The following CNTLN variants were observed in gnomAD, a reference collection of about 807,000 sequenced individuals.
CNTLN encodes the protein centlein, centrosomal protein.
CNTLN carries 212 observed loss-of-function variants against 180.0 expected under a neutral mutation model. The observed-to-expected ratio is 1.18, with a 90% confidence interval of 1.05 to 1.32. The LOEUF is 1.32. Ranked by LOEUF, CNTLN falls within the 40% of genes most tolerant of loss-of-function variation. The pLI, the probability that CNTLN is intolerant of heterozygous loss-of-function variation, is 0.00. For missense variants in CNTLN, 2,095 were observed against 1,610.9 expected, an observed-to-expected ratio of 1.30 and a Z score of -5.14; for synonymous variants, 722 against 563.1, an observed-to-expected ratio of 1.28 and a Z score of -3.99.
chr9:17,368,004 C>G (rs114492780), intron 13 of CNTLN, among the ~76,000 whole-genome samples: 2,624 of 152,222 alleles, frequency 0.017, 91 homozygotes, highest in African/African-American at 0.06. Context: ...ACCTTAGGTA[C>G]CAGCTCATCC....
chr9:17,395,920 G>A (rs1205718495), intron 15 of CNTLN, among the ~76,000 whole-genome samples: 2 of 152,202 alleles, frequency 1.3e-5, no homozygotes, highest in African/African-American at 2.4e-5. Flanking sequence ...CTAAGTCACA[G>A]GATGAGATAG....
At chr9:17,254,880 T>A (rs1826378361) in intron 5 of CNTLN, among the ~76,000 whole-genome samples, 1 of 151,692 alleles carries the variant, frequency 6.6e-6, no homozygotes, top group Non-Finnish European at 1.5e-5. Context: ...CTTTTGGCGT[T>A]TTTTACATCT....
intron 2 of CNTLN, among the ~76,000 whole-genome samples, chr9:17,212,195 G>C (rs1205160992): frequency 2.0e-5 from 3 of 151,946 alleles, no homozygotes; most frequent in African/African-American, 7.3e-5. Context: ...GTGGGTTTGT[G>C]ATAAATAGCT....
At chr9:17,313,160 C>T (rs1246539110) in intron 8 of CNTLN, among the ~76,000 whole-genome samples, 12 of 152,090 alleles carry the variant, frequency 7.9e-5, no homozygotes, top group Admixed American at 2.0e-4. Context: ...TTATATTTTG[C>T]ATAGTATAAC....
intron 23 of CNTLN, among the ~76,000 whole-genome samples, chr9:17,482,711 T>A (rs1564142888): frequency 1.3e-5 from 2 of 152,186 alleles, no homozygotes; most frequent in Non-Finnish European, 2.9e-5. Context: ...TTGTAAAGCC[T>A]CATTAGTTAA....
intron 2 of CNTLN, among the ~76,000 whole-genome samples, chr9:17,214,310 A>G (rs889051185): frequency 3.9e-5 from 6 of 152,112 alleles, no homozygotes; most frequent in African/African-American, 1.2e-4. Flanking sequence ...TCCTTCACTT[A>G]TGAAGCTTAG....
intron 25 of CNTLN, 44 bp downstream of exon 25, chr9:17,487,110 A>C (rs754557173): frequency 6.2e-6 from 8 of 1,299,670 alleles, no homozygotes; most frequent in Non-Finnish European, 4.4e-6. Context: ...CCAAATAAGA[A>C]TTCCAAGCCT....
chr9:17,313,336 A>G (rs1376307880), intron 8 of CNTLN, among the ~76,000 whole-genome samples: 1 of 152,026 alleles, frequency 6.6e-6, no homozygotes, highest in Non-Finnish European at 1.5e-5. Flanking sequence ...GGTGTACCAT[A>G]TTATCATTTG....
At chr9:17,485,464 C>T (rs554445921) in intron 24 of CNTLN, among the ~76,000 whole-genome samples, 38 of 152,226 alleles carry the variant, frequency 2.5e-4, no homozygotes, top group East Asian at 1.9e-3. Flanking sequence ...AAAACGTCTG[C>T]GACTTTCTAT....
intron 25 of CNTLN, among the ~76,000 whole-genome samples, chr9:17,501,108 C>A (rs980388450): frequency 2.0e-5 from 3 of 152,166 alleles, no homozygotes; most frequent in African/African-American, 7.2e-5. Flanking sequence ...GGTTTTTCCC[C>A]CTAGAAAAGC....
intron 18 of CNTLN, among the ~76,000 whole-genome samples, chr9:17,434,027 C>A (rs954364201): frequency 1.3e-5 from 2 of 152,088 alleles, no homozygotes; most frequent in Non-Finnish European, 2.9e-5. Flanking sequence ...TTCTTATATT[C>A]TGGGGGTAAA....
At chr9:17,244,262 A>T (rs2132222010) in intron 5 of CNTLN, among the ~76,000 whole-genome samples, 1 of 150,846 alleles carries the variant, frequency 6.6e-6, no homozygotes, top group South Asian at 2.1e-4. Context: ...CCCAGACTGG[A>T]GTGCAGTGGC....
At chr9:17,527,038 C>A in the CNTLN span, among the ~76,000 whole-genome samples, 1 of 152,072 alleles carries the variant, frequency 6.6e-6, no homozygotes, top group Non-Finnish European at 1.5e-5. Flanking sequence ...TCACCATGCT[C>A]AGCTAAGCTA....
At chr9:17,484,885 A>G (rs562863624) in intron 24 of CNTLN, among the ~76,000 whole-genome samples, 8 of 152,220 alleles carry the variant, frequency 5.3e-5, no homozygotes, top group African/African-American at 1.9e-4. Context: ...AAAAGTGCCA[A>G]ATCTATTGGC....
chr9:17,415,652 C>G, intron 16 of CNTLN, 136 bp from the exon 17 acceptor site: 1 of 637,158 alleles, frequency 1.6e-6, no homozygotes, highest in Non-Finnish European at 2.8e-6. Flanking sequence ...AGTCCTCCTG[C>G]CTTGGTCTCC....
chr9:17,396,069 G>A (rs1471819898), intron 15 of CNTLN, among the ~76,000 whole-genome samples: 2 of 152,242 alleles, frequency 1.3e-5, no homozygotes, highest in African/African-American at 2.4e-5. Context: ...TCGCACCAGC[G>A]CCATGACAGT....
At chr9:17,506,675 A>G (rs1170220468), downstream of CNTLN, among the ~76,000 whole-genome samples, 2 of 152,152 alleles carry the variant, frequency 1.3e-5, no homozygotes, top group African/African-American at 2.4e-5. Context: ...GAAAATTACT[A>G]TAATAAATTT....
intron 8 of CNTLN, among the ~76,000 whole-genome samples, chr9:17,315,762 T>A (rs1369884770): frequency 2.0e-5 from 3 of 152,068 alleles, no homozygotes; most frequent in Non-Finnish European, 4.4e-5. Context: ...TACCCATCTA[T>A]ATTGAATTCT....
intron 2 of CNTLN, among the ~76,000 whole-genome samples, chr9:17,217,380 T>C (rs887986816): frequency 3.9e-5 from 6 of 152,384 alleles, no homozygotes; most frequent in Non-Finnish European, 8.8e-5. Context: ...CTTGCATGTG[T>C]GCATATCTGC....
Sources: gnomAD v4.1 joint callset for allele counts (sites outside exome capture counted in the v4.1 genomes callset) on GRCh38, gnomAD v4.1.1 for gene constraint, MANE v1.5 for transcripts, NCBI Gene and HGNC (gene_info 2026-07-23, HGNC 2026-07-21) for gene names.